Variants in EYS observed in about 807,000 individuals in gnomAD.
EYS encodes EGF-like photoreceptor maintenance factor.
EYS carries 250 observed loss-of-function variants against 282.1 expected under a neutral mutation model. The ratio of observed to expected loss-of-function variants is 0.89; its 90% CI spans 0.80 to 0.98. The LOEUF (loss-of-function observed/expected upper bound fraction) is 0.98, where lower values mean the gene tolerates loss of function less well. EYS is among the 50% of genes least tolerant of loss of function. The probability of loss-of-function intolerance (pLI) is 0.00; values close to 1 mark genes in which losing one functional copy is unlikely to be tolerated. For missense variants in EYS, 4,016 were observed against 3,709.0 expected (o/e 1.08, Z -2.15); for synonymous variants, 1,355 against 1,282.9 (o/e 1.06, Z -1.20).
chr6:65,106,974 G>A (rs1182735256), intron 12 of EYS, among the ~76,000 whole-genome samples: 2 of 151,952 alleles, frequency 1.3e-5, no homozygotes, highest in East Asian at 3.9e-4. Context: ...GAACAACTGT[G>A]GTAACATTTC....
chr6:63,843,909 G>T (rs903612599), intron 36 of EYS, among the ~76,000 whole-genome samples: 1 of 152,122 alleles, frequency 6.6e-6, no homozygotes, highest in Non-Finnish European at 1.5e-5. Context: ...TTGTTACATA[G>T]GTAAACACAT....
intron 24 of EYS, among the ~76,000 whole-genome samples, chr6:64,616,203 T>C (rs564672140): frequency 6.6e-6 from 1 of 152,154 alleles, no homozygotes. Flanking sequence ...CACATCTCAG[T>C]ATTTTGCTCT....
intron 30 of EYS, among the ~76,000 whole-genome samples, chr6:64,303,447 G>A (rs1303532359): frequency 6.6e-4 from 101 of 152,182 alleles, no homozygotes; most frequent in Admixed American, 6.4e-3. Context: ...AAAGCCTGAT[G>A]CAAAATAACA....
intron 13 of EYS, among the ~76,000 whole-genome samples, chr6:65,015,022 G>A (rs1771996572): frequency 1.3e-5 from 2 of 152,018 alleles, no homozygotes; most frequent in African/African-American, 4.8e-5. Context: ...GCAAGGAAGG[G>A]GTCATGAGCC....
chr6:64,344,111 C>T (rs977924708), intron 29 of EYS, among the ~76,000 whole-genome samples: 10 of 152,008 alleles, frequency 6.6e-5, no homozygotes, highest in East Asian at 1.9e-4. Flanking sequence ...GATTCACAGC[C>T]GAATTCTACC....
rs1458521603 is a variant in EYS at position 64,553,550 on chromosome 6, C to G, written c.5644+36673G>C. Among the ~76,000 whole-genome samples the G allele has an allele frequency of 3.2e-5, 4 of 126,624 alleles. 1 individual carries two copies. The highest frequency in any genetic ancestry group is 5.5e-4 in the East Asian group (2 of 3,660). The allele number at this position is 126,624 out of a possible 152,430, so 83.1% of individuals were successfully genotyped here. On this transcript the variant is annotated intron_variant, in intron 26 of 42. Coordinates refer to ENST00000503581, the MANE Select transcript of EYS (RefSeq NM_001142800.2). ...ACATCTGTGACTTTTGTTTGACCCC[C>G]CCCCCCCCATAGGCAGTTACAAGGC...
At chr6:64,943,302 G>A (rs1417298080) in intron 15 of EYS, among the ~76,000 whole-genome samples, 1 of 151,992 alleles carries the variant, frequency 6.6e-6, no homozygotes, top group Non-Finnish European at 1.5e-5. Flanking sequence ...AACAAGCCCA[G>A]CCTCACAACT....
chr6:64,169,431 G>GTTTTTTTTTTTTTTTTTTTT (rs35657029), intron 31 of EYS, among the ~76,000 whole-genome samples: 44 of 140,974 alleles, frequency 3.1e-4, no homozygotes, highest in African/African-American at 1.2e-3. Flanking sequence ...TTGAGGAGGA[G>GTTTTTTTTTTTTTTTTTTTT]TTTTTTTTTT....
At chr6:65,540,929 A>T (rs944620542) in intron 2 of EYS, among the ~76,000 whole-genome samples, 2 of 152,126 alleles carry the variant, frequency 1.3e-5, no homozygotes, top group Non-Finnish European at 2.9e-5. Context: ...TATCTCAAAA[A>T]AATTAGAGAA....
intron 12 of EYS, among the ~76,000 whole-genome samples, chr6:65,130,485 A>T (rs913454115): frequency 3.3e-5 from 5 of 151,962 alleles, no homozygotes; most frequent in African/African-American, 9.7e-5. Flanking sequence ...CATAGAAAAG[A>T]TCATGTCCTT....
rs193299472 is a variant in EYS, at chr6:65,109,361, T to C, written c.2024-51634A>G. 2.9e-4 allele frequency among the ~76,000 whole-genome samples: 44 copies of C among 152,206 alleles called. No individual in the cohort carries two copies. In the East Asian group the frequency reaches 8.3e-3, roughly 29 times the overall value. The stretch of plus-strand genomic sequence containing the variant: ...TAAATTTTAGAGATTCTAAATTTCA[T>C]CATTTTTCTCTAAGTGTTGTTTCTC... On this transcript the variant is annotated intron_variant, in intron 12 of 42. Transcript: ENST00000503581.
chr6:64,089,085 C>A (rs1772261539), intron 31 of EYS, among the ~76,000 whole-genome samples: 1 of 151,752 alleles, frequency 6.6e-6, no homozygotes. Context: ...TAGTTTTTCA[C>A]CTTCCCCAGA....
intron 12 of EYS, among the ~76,000 whole-genome samples, chr6:65,260,639 T>C (rs192011548): frequency 6.6e-6 from 1 of 152,092 alleles, no homozygotes. Flanking sequence ...TTCAATATAT[T>C]ATAAATTTAT....
intron 12 of EYS, among the ~76,000 whole-genome samples, chr6:65,293,812 G>A (rs1162094268): frequency 6.6e-6 from 1 of 151,814 alleles, no homozygotes; most frequent in Non-Finnish European, 1.5e-5. Flanking sequence ...GAGATACAGA[G>A]ACTGACATTT....
intron 19 of EYS, among the ~76,000 whole-genome samples, chr6:64,853,646 TA>T (rs1439856559): frequency 6.6e-6 from 1 of 152,134 alleles, no homozygotes; most frequent in Non-Finnish European, 1.5e-5. Flanking sequence ...ACGCCGTTGT[TA>T]ATATAAAGTA....
At chr6:64,860,331 T>C (rs73767133) in intron 19 of EYS, among the ~76,000 whole-genome samples, 5,899 of 152,312 alleles carry the variant, frequency 0.039, 213 homozygotes, top group East Asian at 0.18. Flanking sequence ...CTCATGCTAC[T>C]GGCCTAGATC....
At chr6:64,953,686 A>G (rs940729754) in intron 14 of EYS, among the ~76,000 whole-genome samples, 3 of 151,812 alleles carry the variant, frequency 2.0e-5, no homozygotes, top group African/African-American at 7.2e-5. Context: ...ATTCTGACAG[A>G]AAGTAAATGG....
intron 35 of EYS, among the ~76,000 whole-genome samples, chr6:63,921,637 A>G (rs1468193472): frequency 6.6e-6 from 1 of 152,172 alleles, no homozygotes; most frequent in East Asian, 1.9e-4. Flanking sequence ...TTATGGATAA[A>G]ATCATAATAG....
intron 11 of EYS, among the ~76,000 whole-genome samples, chr6:65,299,549 A>C (rs1193861535): frequency 6.6e-6 from 1 of 152,064 alleles, no homozygotes; most frequent in Non-Finnish European, 1.5e-5. Context: ...TTTGGTTTTA[A>C]ATTTATTTCC....
Sources: gnomAD v4.1 joint callset for allele counts (sites outside exome capture counted in the v4.1 genomes callset) on GRCh38, gnomAD v4.1.1 for gene constraint, MANE v1.5 for transcripts, NCBI Gene and HGNC (gene_info 2026-07-23, HGNC 2026-07-21) for gene names.